The following METAP1D variants were observed in gnomAD, a reference collection of about 807,000 sequenced individuals.
METAP1D encodes the protein methionine aminopeptidase 1D, mitochondrial.
A neutral mutation model predicts 40.5 loss-of-function variants in METAP1D; 31 were observed. That is an observed-to-expected ratio of 0.77 (90% CI 0.58 to 1.03). The LOEUF is 1.03. Among genes scored for constraint, METAP1D ranks in the 50% least tolerant of loss-of-function variants. The pLI, the probability that METAP1D is intolerant of heterozygous loss-of-function variation, is 0.00. For missense variants in METAP1D, 411 were observed against 420.7 expected (o/e 0.98, Z 0.20); for synonymous variants, 151 against 146.4 (o/e 1.03, Z -0.22).
chr2:172,005,606 C>T (rs1433073754), intron 1 of METAP1D, among the ~76,000 whole-genome samples: 1 of 140,606 alleles, frequency 7.1e-6, no homozygotes, highest in African/African-American at 2.6e-5. Context: ...GGTGCAGTCT[C>T]GGCTCACTGC....
chr2:172,017,322 CATATATATGTGT>C (rs1210185175), intron 1 of METAP1D, among the ~76,000 whole-genome samples: 16 of 148,966 alleles, frequency 1.1e-4, no homozygotes, highest in East Asian at 9.8e-4. Context: ...ACAAGACAGA[CATATATATGTGT>C]ATATATATGT....
chr2:172,003,809 G>A (rs189375812), intron 1 of METAP1D, among the ~76,000 whole-genome samples: 1 of 151,960 alleles, frequency 6.6e-6, no homozygotes, highest in Admixed American at 6.6e-5. Context: ...CTGTAGCACA[G>A]GGTGAAGTGC....
chr2:172,050,368 CAGT>C (rs1339344960), intron 1 of METAP1D, among the ~76,000 whole-genome samples: 1 of 151,546 alleles, frequency 6.6e-6, no homozygotes, highest in African/African-American at 2.4e-5. Flanking sequence ...TAGTATATGA[CAGT>C]AGTATTTATG....
At chr2:172,026,374 A>G (rs1689120423) in intron 1 of METAP1D, among the ~76,000 whole-genome samples, 1 of 152,190 alleles carries the variant, frequency 6.6e-6, no homozygotes, top group South Asian at 2.1e-4. Flanking sequence ...TACATCACAG[A>G]TAGCGTCTTG....
At chr2:172,022,390 T>C (rs942157279) in intron 1 of METAP1D, among the ~76,000 whole-genome samples, 6 of 152,156 alleles carry the variant, frequency 3.9e-5, no homozygotes, top group African/African-American at 1.4e-4. Context: ...ATTTTTTTGT[T>C]TTTAATAAAA....
At chr2:172,056,706 T>C (rs1690009760) in intron 1 of METAP1D, among the ~76,000 whole-genome samples, 1 of 152,208 alleles carries the variant, frequency 6.6e-6, no homozygotes, top group Non-Finnish European at 1.5e-5. Context: ...GGAGCACCTA[T>C]TTTTTAAAAG....
intron 1 of METAP1D, among the ~76,000 whole-genome samples, chr2:172,014,798 G>T (rs952718999): frequency 6.6e-6 from 1 of 151,878 alleles, no homozygotes; most frequent in Non-Finnish European, 1.5e-5. Context: ...GACTACAGGC[G>T]CCCGCCAGCA....
Position 172,080,399 on chromosome 2 carries a change from A to G in METAP1D, c.1001A>G (p.Glu334Gly). ...GAQILTKLPH[E>G]A ...CAGATCCTGACCAAACTACCCCATG[A>G]GGCCTGAGGAGCCGCCCGAAGGTCG... The change falls in exon 10 of 10, where the codon GAG becomes GGG. Residue 334 changes from glutamate (E) to glycine (G), a missense_variant. Transcript: ENST00000315796. The G allele has an allele frequency of 6.2e-7, 1 of 1,614,006 alleles. No homozygotes were observed.
chr2:172,016,624 C>T (rs1023256966), intron 1 of METAP1D, among the ~76,000 whole-genome samples: 2 of 150,760 alleles, frequency 1.3e-5, no homozygotes, highest in African/African-American at 4.9e-5. Flanking sequence ...TTGCCCCCAC[C>T]CCCCCAAAAA....
At chr2:172,004,275 G>C (rs1488546035) in intron 1 of METAP1D, among the ~76,000 whole-genome samples, 1 of 151,788 alleles carries the variant, frequency 6.6e-6, no homozygotes, top group Non-Finnish European at 1.5e-5. Flanking sequence ...TTGCTATCTT[G>C]TATAGCTTCT....
Position 172,042,594 on chromosome 2 carries a change from C to CACATATACATGTGTGTATGTGTAT in METAP1D, c.41-18903_41-18902insCATATACATGTGTGTATGTGTATA, listed in dbSNP as rs1689598778. Reference sequence around the variant, plus strand: ...ATATACATATATGTGTGTATGTGTACATGTGCACATATATACATATATGTG... The same window carrying CACATATACATGTGTGTATGTGTAT: ...ATATACATATATGTGTGTATGTGTACACATATACATGTGTGTATGTGTATATGTGCACATATATACATATATGTG... On this transcript the variant is annotated intron_variant, in intron 1 of 9. Coordinates refer to ENST00000315796, the MANE Select transcript of METAP1D (RefSeq NM_199227.3). 5.3e-5 allele frequency among the ~76,000 whole-genome samples: 2 copies of CACATATACATGTGTGTATGTGTAT among 37,692 alleles called. 1 individual carries two copies. The highest frequency in any genetic ancestry group is 1.0e-4 in the Non-Finnish European group (2 of 19,438). The allele number at this position is 37,692 out of a possible 152,430, so 24.7% of individuals were successfully genotyped here.
chr2:172,036,517 C>T (rs1281103498), intron 1 of METAP1D, among the ~76,000 whole-genome samples: 1 of 151,044 alleles, frequency 6.6e-6, no homozygotes, highest in Non-Finnish European at 1.5e-5. Context: ...AGGCGCCTGC[C>T]ACCACGCCCG....
chr2:172,039,655 A>C (rs1689469524), intron 1 of METAP1D, among the ~76,000 whole-genome samples: 1 of 148,760 alleles, frequency 6.7e-6, no homozygotes, highest in African/African-American at 2.5e-5. Context: ...GATGGAGCAA[A>C]TACCTTTAAA....
At position 172,000,017 on chromosome 2, in the gene METAP1D, C is replaced by G; in HGVS notation, c.40+8C>G. 1 of 1,330,624 alleles carries G rather than the reference C, an allele frequency of 7.5e-7. No homozygotes were observed. Among genetic ancestry groups the G allele is most frequent in the Non-Finnish European group, 9.7e-7 (1 of 1,030,788 alleles). The allele number at this position is 1,330,624 out of a possible 1,614,324, so 82.4% of individuals were successfully genotyped here. A position where few individuals can be genotyped will look rare whatever the true frequency, so the allele number is the denominator to read the frequency against. ...ACCTGCTCGTCCGCAGAGGTAAGCG[C>G]GTGGAGGAGAGCCCCGTGAGGGTTC... On this transcript the variant is annotated splice_region_variant and intron_variant, in intron 1 of 9. Transcript: ENST00000315796.
chr2:172,043,231 T>C (rs1689662137), intron 1 of METAP1D, among the ~76,000 whole-genome samples: 1 of 131,624 alleles, frequency 7.6e-6, no homozygotes, highest in Admixed American at 7.6e-5. Context: ...CACCCAGCTA[T>C]GAGAAATATT....
intron 1 of METAP1D, among the ~76,000 whole-genome samples, chr2:172,055,058 C>T (rs1689971543): frequency 6.6e-6 from 1 of 152,196 alleles, no homozygotes; most frequent in Non-Finnish European, 1.5e-5. Context: ...CTCTCCTACT[C>T]CCCTGAGGTT....
At chr2:172,053,418 CT>C (rs1365550498) in intron 1 of METAP1D, among the ~76,000 whole-genome samples, 1 of 151,968 alleles carries the variant, frequency 6.6e-6, no homozygotes, top group Non-Finnish European at 1.5e-5. Context: ...GGTTTTTTTT[CT>C]TGTTAAAGTT....
chr2:172,064,004 A>G (rs1373999738), intron 3 of METAP1D, 144 bp downstream of exon 3: 2 of 1,076,194 alleles, frequency 1.9e-6, no homozygotes, highest in Non-Finnish European at 2.5e-6. Flanking sequence ...GTTTTTAAAA[A>G]TTAAGTAAAG....
intron 1 of METAP1D, among the ~76,000 whole-genome samples, chr2:172,021,392 A>G (rs1689005557): frequency 6.6e-6 from 1 of 152,212 alleles, no homozygotes; most frequent in Non-Finnish European, 1.5e-5. Flanking sequence ...CTAATGTTTC[A>G]TTGTAAAGAG....
Sources: allele counts gnomAD v4.1 joint callset (sites outside exome capture counted in the v4.1 genomes callset), GRCh38; gene constraint gnomAD v4.1.1; transcripts MANE v1.5; gene names NCBI Gene and HGNC (gene_info 2026-07-23, HGNC 2026-07-21).